The following RNF7 variants were observed in gnomAD, a reference collection of about 807,000 sequenced individuals.
RNF7 encodes the protein ring finger protein 7.
RNF7 carries 9 observed loss-of-function variants against 17.0 expected under a neutral mutation model. The observed-to-expected ratio is 0.53, with a 90% CI of 0.32 to 0.92. RNF7 has a LOEUF of 0.92. Ranked by LOEUF, RNF7 falls within the 40% of genes least tolerant of loss-of-function variation. The pLI, the probability that RNF7 is intolerant of heterozygous loss-of-function variation, is 0.04. For synonymous variants in RNF7, 59 were observed against 50.5 expected, an observed-to-expected ratio of 1.17 and a Z score of -0.72; for missense variants, 87 against 145.8, an observed-to-expected ratio of 0.60 and a Z score of 2.08.
At chr3:141,743,373 A>T in intron 1 of RNF7, 136 bp from the exon 2 acceptor site, 1 of 589,826 alleles carries the variant, frequency 1.7e-6, no homozygotes, top group South Asian at 2.5e-5. Context: ...TTAAGTAGTT[A>T]TGTTCAGATG....
intron 1 of RNF7, among the ~76,000 whole-genome samples, chr3:141,741,205 G>A (rs967077985): frequency 6.6e-6 from 1 of 152,172 alleles, no homozygotes; most frequent in Non-Finnish European, 1.5e-5. Flanking sequence ...CAGAACTAGC[G>A]CCAGATTCAG....
In RNF7 at chr3:141,745,193, C is replaced by T; in HGVS notation, c.258C>T (p.Asn86=). The T allele has an allele frequency of 6.2e-7, 1 of 1,613,634 alleles. No individual in the cohort carries two copies. Among genetic ancestry groups the T allele is most frequent in the Non-Finnish European group, 8.5e-7 (1 of 1,179,702 alleles). Residue 86 remains asparagine (N), a synonymous_variant, in exon 3 of 3, where the codon AAC becomes AAT. Transcript: ENST00000273480. ...VWGECNHSFH[N]CCMSLWVKQN... is the part of the protein sequence containing the mutation. ...GAGAATGTAATCATTCCTTCCACAA[C>T]TGCTGCATGTCCCTGTGGGTGAAAC...
intron 2 of RNF7, among the ~76,000 whole-genome samples, chr3:141,744,878 A>G (rs2084456200): frequency 6.6e-6 from 1 of 152,186 alleles, no homozygotes; most frequent in Admixed American, 6.5e-5. Flanking sequence ...ACATTCATCT[A>G]ACTTCAAGAA....
At position 141,742,223 on chromosome 3, in the gene RNF7, CTTTTTTTTTTTTT is replaced by C. The variant is rs1196270339; in HGVS notation, c.176-1277_176-1265del. Among the ~76,000 whole-genome samples, 3 of 109,470 alleles carry C rather than the reference CTTTTTTTTTTTTT, an allele frequency of 2.7e-5. No individual in the cohort carries two copies. In the East Asian group the frequency reaches 7.4e-4, roughly 27 times the overall value. 71.8% of individuals were successfully genotyped at this position (109,470 alleles called of 152,430 possible). A position where few individuals can be genotyped will look rare whatever the true frequency, so the allele number is the denominator to read the frequency against. ...TCATCATTTAGCTCTCAAGCATTTT[CTTTTTTTTTTTTT>C]TTTTTTTTGAGACGGAGTCTCGCTC... On this transcript the variant is annotated intron_variant, in intron 1 of 2. Transcript: ENST00000273480.
intron 1 of RNF7, among the ~76,000 whole-genome samples, chr3:141,741,997 T>A (rs9790075): frequency 0.15 from 22,040 of 151,396 alleles, 1,662 homozygotes; most frequent in Middle Eastern, 0.21. Context: ...TTTTTTTTTT[T>A]AAAAAAACTT....
chr3:141,746,175 C>G lies in RNF7; in HGVS notation c.*898C>G, dbSNP rs948042724. 3.9e-5 allele frequency: 6 copies of G among 152,062 alleles called. No individual in the cohort carries two copies. Among genetic ancestry groups the G allele is most frequent in the African/African-American group, 1.5e-4 (6 of 41,364 alleles). The allele number at this position is 152,062 out of a possible 1,614,324, so 9.4% of individuals were successfully genotyped here. On this transcript the variant is annotated 3_prime_UTR_variant, in exon 3 of 3. Transcript: ENST00000273480. The stretch of plus-strand genomic sequence containing the variant: ...TATTTTTAGTAGAGACGGGATTTCC[C>G]CATGTTGGCCAGGCTGGTCTCAAAC...
intron 2 of RNF7, among the ~76,000 whole-genome samples, chr3:141,743,861 A>G (rs964175316): frequency 1.3e-4 from 20 of 152,174 alleles, no homozygotes; most frequent in African/African-American, 4.8e-4. Context: ...ATTTGTCAAA[A>G]CATTATTTGA....
Position 141,738,332 on chromosome 3 carries a change from C to T in RNF7, c.-10C>T. 2.6e-6 allele frequency: 4 copies of T among 1,555,438 alleles called. No individual in the cohort carries two copies. The highest frequency in any genetic ancestry group is 2.6e-6 in the Non-Finnish European group (3 of 1,149,478). ...GCCAACGTCTCCGCCGTCGGCTCCG[C>T]GGCGCCGCCATGGCCGACGTGGAAG... On this transcript the variant is annotated 5_prime_UTR_variant, in exon 1 of 3. Coordinates refer to ENST00000273480, the MANE Select transcript of RNF7 (RefSeq NM_014245.5).
rs2084482205 is a variant in RNF7, at chr3:141,747,112, C to T, written c.*1835C>T. On this transcript the variant is annotated 3_prime_UTR_variant, in exon 3 of 3. Transcript: ENST00000273480. ...GGTAACAATTTGATTTTCCACACAG[C>T]AAAACCACAGTCCCGCCACCTAACA... 1 of 152,196 alleles carries T rather than the reference C, an allele frequency of 6.6e-6. No individual in the cohort carries two copies. The highest frequency in any genetic ancestry group is 1.5e-5 in the Non-Finnish European group (1 of 68,040). The allele number at this position is 152,196 out of a possible 1,614,324, so 9.4% of individuals were successfully genotyped here. A position where few individuals can be genotyped will look rare whatever the true frequency, so the allele number is the denominator to read the frequency against.
intron 1 of RNF7, among the ~76,000 whole-genome samples, chr3:141,738,921 A>G (rs1440435205): frequency 5.3e-5 from 8 of 152,234 alleles, no homozygotes; most frequent in Non-Finnish European, 7.3e-5. Flanking sequence ...GCTCAACACA[A>G]GGTGGTCAGG....
chr3:141,738,327 C>G lies in RNF7; in HGVS notation c.-15C>G. The G allele has an allele frequency of 1.9e-6, 3 of 1,540,548 alleles. No homozygotes were observed. The highest frequency in any genetic ancestry group is 2.6e-6 in the Non-Finnish European group (3 of 1,141,168). On this transcript the variant is annotated 5_prime_UTR_variant, in exon 1 of 3. Transcript: ENST00000273480. The stretch of plus-strand genomic sequence containing the variant: ...CCCAAGCCAACGTCTCCGCCGTCGG[C>G]TCCGCGGCGCCGCCATGGCCGACGT...
chr3:141,740,186 G>A (rs2084402426), intron 1 of RNF7, among the ~76,000 whole-genome samples: 1 of 142,770 alleles, frequency 7.0e-6, no homozygotes. Context: ...TTTTTTTTAA[G>A]ACAAGTTTCG....
chr3:141,743,508 G>A lies in RNF7; in HGVS notation c.176-1G>A, dbSNP rs373752110. 1 of 1,608,646 alleles carries A rather than the reference G, an allele frequency of 6.2e-7. No homozygotes were observed. The highest frequency in any genetic ancestry group is 1.3e-5 in the African/African-American group (1 of 74,688). On this transcript the variant is annotated splice_acceptor_variant, in intron 1 of 2. Coordinates refer to ENST00000273480, the MANE Select transcript of RNF7 (RefSeq NM_014245.5). LOFTEE classifies it high-confidence loss of function. ...GAGAATCGCTATTTGTTTACTTTTA[G>A]ATGCCTGTCTTAGATGTCAAGCTGA...
intron 1 of RNF7, among the ~76,000 whole-genome samples, chr3:141,740,685 G>A (rs767340807): frequency 2.0e-5 from 3 of 152,114 alleles, no homozygotes; most frequent in Non-Finnish European, 2.9e-5. Context: ...AGGTGTTATT[G>A]TACTCCTTAG....
At chr3:141,744,160 T>G (rs2107858575) in intron 2 of RNF7, among the ~76,000 whole-genome samples, 1 of 152,294 alleles carries the variant, frequency 6.6e-6, no homozygotes, top group Admixed American at 6.5e-5. Context: ...AATAAAAGAT[T>G]GGCTTTGTAT....
At chr3:141,742,266 G>A (rs1221640713) in intron 1 of RNF7, among the ~76,000 whole-genome samples, 1 of 126,248 alleles carries the variant, frequency 7.9e-6, no homozygotes, top group African/African-American at 3.1e-5. Flanking sequence ...TCGCTCTTTC[G>A]CCCAGGCTGG....
intron 1 of RNF7, among the ~76,000 whole-genome samples, chr3:141,739,554 T>C (rs2084393410): frequency 6.6e-6 from 1 of 152,208 alleles, no homozygotes; most frequent in Admixed American, 6.5e-5. Flanking sequence ...AAAACGGACA[T>C]TTCTATCGTT....
intron 1 of RNF7, among the ~76,000 whole-genome samples, 161 bp downstream of exon 1, chr3:141,738,677 C>G (rs540253255): frequency 2.0e-5 from 3 of 148,136 alleles, no homozygotes; most frequent in Non-Finnish European, 3.0e-5. Context: ...CGGAGCCACG[C>G]TCCTGCTGCG....
At chr3:141,739,169 A>G (rs1264866935) in intron 1 of RNF7, among the ~76,000 whole-genome samples, 1 of 152,196 alleles carries the variant, frequency 6.6e-6, no homozygotes, top group Non-Finnish European at 1.5e-5. Flanking sequence ...AGTGTGGTTC[A>G]AGAATATCTA....
Sources: gnomAD v4.1 joint callset for allele counts (sites outside exome capture counted in the v4.1 genomes callset) on GRCh38, gnomAD v4.1.1 for gene constraint, MANE v1.5 for transcripts, NCBI Gene and HGNC (gene_info 2026-07-23, HGNC 2026-07-21) for gene names.